Variants in MRM1 observed in about 807,000 individuals in gnomAD.
The protein encoded by MRM1 is rRNA methyltransferase 1, mitochondrial.
MRM1 carries 24 observed loss-of-function variants against 25.0 expected under a neutral mutation model. The ratio of observed to expected loss-of-function variants is 0.96; its 90% confidence interval spans 0.69 to 1.35. MRM1 has a LOEUF of 1.35. MRM1 is among the 40% of genes most tolerant of loss of function. MRM1 has a pLI of 0.00. For synonymous variants in MRM1, 188 were observed against 199.2 expected (o/e 0.94, Z 0.47); for missense variants, 431 against 464.1 (o/e 0.93, Z 0.65).
At chr17:36,619,535 G>C in the MRM1 span, among the ~76,000 whole-genome samples, 1 of 152,122 alleles carries the variant, frequency 6.6e-6, no homozygotes, top group Non-Finnish European at 1.5e-5. Context: ...AGGTGTGGTA[G>C]CGCATGCCTG....
chr17:36,617,641 C>A, the MRM1 span, among the ~76,000 whole-genome samples: 1 of 152,106 alleles, frequency 6.6e-6, no homozygotes, highest in Non-Finnish European at 1.5e-5. Context: ...AGTGATCCAC[C>A]CGCTTTGGCT....
chr17:36,617,138 G>A, the MRM1 span, among the ~76,000 whole-genome samples: 1 of 152,186 alleles, frequency 6.6e-6, no homozygotes, highest in African/African-American at 2.4e-5. Flanking sequence ...AAGCCCAGAA[G>A]TGACAGCTCA....
At chr17:36,605,008 C>T (rs1401152043) in intron 2 of MRM1, among the ~76,000 whole-genome samples, 2 of 151,030 alleles carry the variant, frequency 1.3e-5, no homozygotes, top group Non-Finnish European at 3.0e-5. Context: ...GGCATGGTGG[C>T]GGGCACTTGT....
chr17:36,607,841 T>G lies in MRM1; in HGVS notation c.769+39T>G. The G allele has an allele frequency of 1.9e-6, 3 of 1,611,568 alleles. No individual in the cohort carries two copies. The South Asian group carries it at 3.3e-5, about 18-fold the overall frequency. ...CCTGCGTTTGTGCCCAGATTACATT[T>G]CCCGAGCAACTGGGTGTCCAGCTGG... On this transcript the variant is annotated intron_variant, in intron 3 of 4. Transcript: ENST00000614766.
At chr17:36,610,408 G>A (rs11263772), downstream of MRM1, among the ~76,000 whole-genome samples, 72,757 of 151,460 alleles carry the variant, frequency 0.48, 18,853 homozygotes, top group African/African-American at 0.68. Flanking sequence ...AATTTTTTGT[G>A]TTTTTCATAG....
chr17:36,633,349 T>C, the MRM1 span, among the ~76,000 whole-genome samples: 2,116 of 152,284 alleles, frequency 0.014, 56 homozygotes, highest in African/African-American at 0.048. Context: ...AGCCTCAGCT[T>C]GGCGTCTGGG....
At chr17:36,627,683 T>TC in the MRM1 span, among the ~76,000 whole-genome samples, 503 of 146,306 alleles carry the variant, frequency 3.4e-3, 4 homozygotes, top group Non-Finnish European at 5.0e-3. Context: ...TGTTTTTTTT[T>TC]TTTTTTTTTT....
At chr17:36,605,196 C>T (rs973675824) in intron 2 of MRM1, among the ~76,000 whole-genome samples, 2 of 151,662 alleles carry the variant, frequency 1.3e-5, no homozygotes, top group African/African-American at 2.4e-5. Flanking sequence ...GCTGTGTTGC[C>T]CAGCCTGGAG....
At chr17:36,627,739 A>G in the MRM1 span, among the ~76,000 whole-genome samples, 1 of 142,814 alleles carries the variant, frequency 7.0e-6, no homozygotes, top group Non-Finnish European at 1.5e-5. Context: ...CAGTGGTGCA[A>G]TCTTGGCTCA....
chr17:36,608,519 C>A lies in MRM1; in HGVS notation c.*104C>A. On this transcript the variant is annotated 3_prime_UTR_variant, in exon 5 of 5. Transcript: ENST00000614766. ...CCTCTGCCTGAGTGTGCACCAGGCC[C>A]ATGTTTATTGACCACAGTCTGGGGG... 3 of 729,018 alleles carry A rather than the reference C, an allele frequency of 4.1e-6. No individual in the cohort carries two copies. Among genetic ancestry groups the A allele is most frequent in the African/African-American group, 1.8e-5 (1 of 56,978 alleles). 45.2% of individuals were successfully genotyped at this position (729,018 alleles called of 1,614,324 possible). A position where few individuals can be genotyped will look rare whatever the true frequency, so the allele number is the denominator to read the frequency against.
In MRM1 at chr17:36,608,457, G is replaced by C. The variant is rs1483408885; in HGVS notation, c.*42G>C. 1.0e-5 allele frequency: 14 copies of C among 1,358,902 alleles called. No individual in the cohort carries two copies. The highest frequency in any genetic ancestry group is 1.3e-5 in the Non-Finnish European group (14 of 1,038,004). 84.2% of individuals were successfully genotyped at this position (1,358,902 alleles called of 1,614,324 possible). On this transcript the variant is annotated 3_prime_UTR_variant, in exon 5 of 5. Transcript: ENST00000614766. The stretch of plus-strand genomic sequence containing the variant: ...TGTTCATGTGCTGGAGTCAGGGACG[G>C]CCGCACCTGCCTCCGCCGGCTCCAG...
chr17:36,634,492 C>T, the MRM1 span: 1 of 152,208 alleles, frequency 6.6e-6, no homozygotes, highest in African/African-American at 2.4e-5. Context: ...TGTCACTGCC[C>T]TTCCACTGGG....
At chr17:36,605,034 G>A (rs988529150) in intron 2 of MRM1, among the ~76,000 whole-genome samples, 2 of 152,042 alleles carry the variant, frequency 1.3e-5, no homozygotes, top group Non-Finnish European at 2.9e-5. Flanking sequence ...CAGCTGCTCG[G>A]GAGGCTGAGG....
At chr17:36,609,567 A>G (rs2074961907), downstream of MRM1, among the ~76,000 whole-genome samples, 1 of 152,188 alleles carries the variant, frequency 6.6e-6, no homozygotes, top group Non-Finnish European at 1.5e-5. Flanking sequence ...ATGACCTCTC[A>G]TTATGAAACC....
At chr17:36,630,570 CA>C in the MRM1 span, among the ~76,000 whole-genome samples, 1 of 152,128 alleles carries the variant, frequency 6.6e-6, no homozygotes, top group African/African-American at 2.4e-5. Flanking sequence ...CATCTGGTGC[CA>C]GGGGCGGAAA....
the MRM1 span, among the ~76,000 whole-genome samples, chr17:36,624,318 C>T: frequency 2.0e-5 from 3 of 152,180 alleles, no homozygotes; most frequent in Non-Finnish European, 4.4e-5. The surrounding 1 kb of genome is among the most constrained non-coding windows in gnomAD (Gnocchi z 4.0). Context: ...CCTCAGAAGT[C>T]CTCCTGACTG....
At chr17:36,633,423 T>C in the MRM1 span, among the ~76,000 whole-genome samples, 1 of 152,138 alleles carries the variant, frequency 6.6e-6, no homozygotes, top group Non-Finnish European at 1.5e-5. Flanking sequence ...AACATTCCTG[T>C]AGAGTATTTG....
At chr17:36,624,993 C>T in the MRM1 span, among the ~76,000 whole-genome samples, 3 of 152,132 alleles carry the variant, frequency 2.0e-5, no homozygotes, top group South Asian at 4.1e-4. This position sits in a 1 kb window ranked among gnomAD's most constrained non-coding sequence, Gnocchi z 4.0. Flanking sequence ...CAGAGCTTCA[C>T]CTCACCCCAA....
the MRM1 span, among the ~76,000 whole-genome samples, chr17:36,627,418 G>A: frequency 2.0e-5 from 3 of 152,268 alleles, no homozygotes; most frequent in African/African-American, 4.8e-5. Context: ...GAGGCTGTTC[G>A]CCTCTCATTC....
Sources: gnomAD v4.1 joint callset for allele counts (sites outside exome capture counted in the v4.1 genomes callset) on GRCh38, gnomAD v4.1.1 for gene constraint, Gnocchi (gnomAD v3.1) non-coding constraint, MANE v1.5 for transcripts, NCBI Gene and HGNC (gene_info 2026-07-23, HGNC 2026-07-21) for gene names.